Variants in MITF observed in about 807,000 individuals in gnomAD.
MITF encodes the protein microphthalmia-associated transcription factor.
In MITF, 17 loss-of-function variants were observed where a neutral mutation model predicts 60.5. The observed-to-expected ratio is 0.28, with a 90% CI of 0.19 to 0.42. The LOEUF is 0.42. MITF is among the 10% of genes least tolerant of loss of function. The probability of loss-of-function intolerance (pLI) is 1.00; values close to 1 mark genes in which losing one functional copy is unlikely to be tolerated. For synonymous variants in MITF, 260 were observed against 248.5 expected (o/e 1.05, Z -0.43); for missense variants, 622 against 683.5 (o/e 0.91, Z 1.00).
chr3:69,756,721 C>T (rs1321222981), intron 1 of MITF, among the ~76,000 whole-genome samples: 3 of 152,170 alleles, frequency 2.0e-5, no homozygotes, highest in Admixed American at 6.5e-5. Flanking sequence ...CTGTCATCCA[C>T]AATGGTTGAA....
At chr3:69,834,657 C>T (rs746142544) in intron 1 of MITF, among the ~76,000 whole-genome samples, 3 of 152,008 alleles carry the variant, frequency 2.0e-5, no homozygotes, top group Middle Eastern at 3.2e-3. Context: ...ATCTCTTTGG[C>T]ATACTGATTT....
chr3:69,860,524 G>A (rs1396115047), intron 1 of MITF, among the ~76,000 whole-genome samples: 1 of 147,350 alleles, frequency 6.8e-6, no homozygotes, highest in East Asian at 2.0e-4. Flanking sequence ...CGTGAACCCG[G>A]AAGGCGGAGC....
At chr3:69,767,500 G>T (rs765695733) in intron 1 of MITF, among the ~76,000 whole-genome samples, 6 of 152,060 alleles carry the variant, frequency 3.9e-5, no homozygotes, top group Admixed American at 6.6e-5. Context: ...CAGGAGAGTT[G>T]CTGGAACCCG....
intron 1 of MITF, among the ~76,000 whole-genome samples, chr3:69,756,778 C>T (rs1302006287): frequency 1.3e-5 from 2 of 152,226 alleles, no homozygotes; most frequent in Admixed American, 6.5e-5. Context: ...TGTTTCTCCA[C>T]AGCCTCACCA....
At chr3:69,800,680 C>T (rs2062905309) in intron 1 of MITF, among the ~76,000 whole-genome samples, 1 of 152,050 alleles carries the variant, frequency 6.6e-6, no homozygotes, top group Admixed American at 6.5e-5. Flanking sequence ...CATTGTGTCT[C>T]TTTTATTCTT....
At chr3:69,788,936 T>C (rs1203270688) in intron 1 of MITF, among the ~76,000 whole-genome samples, 2 of 152,116 alleles carry the variant, frequency 1.3e-5, no homozygotes, top group Non-Finnish European at 2.9e-5. Context: ...AAAGTACAAA[T>C]ATTAACTCAA....
At chr3:69,841,658 C>T (rs1446638056) in intron 1 of MITF, among the ~76,000 whole-genome samples, 1 of 152,192 alleles carries the variant, frequency 6.6e-6, no homozygotes, top group African/African-American at 2.4e-5. Context: ...CAGCAGAAAG[C>T]ATGCACTATC....
intron 2 of MITF, among the ~76,000 whole-genome samples, chr3:69,879,850 C>T (rs886588598): frequency 2.6e-5 from 4 of 152,130 alleles, no homozygotes; most frequent in Admixed American, 6.5e-5. Context: ...GAGCTTTCTG[C>T]GCTTTGATAA....
In MITF at chr3:69,938,556, C is replaced by T. The variant is rs113310138; in HGVS notation, c.582+507C>T. 116,088 of 1,397,154 alleles carry T rather than the reference C, an allele frequency of 0.083. 5,635 individuals are homozygous for T. The highest frequency in any genetic ancestry group is 0.094 in the Non-Finnish European group (101,744 of 1,076,966). The allele number at this position is 1,397,154 out of a possible 1,614,324, so 86.5% of individuals were successfully genotyped here. ...AATCATATAGCACATGAGACTTTAA[C>T]GGAAACGCAAAGGTTTAATTGCTGG... On this transcript the variant is annotated intron_variant, in intron 3 of 9. Transcript: ENST00000352241.
chr3:69,780,283 G>A (rs1407211052), intron 1 of MITF, among the ~76,000 whole-genome samples: 1 of 152,108 alleles, frequency 6.6e-6, no homozygotes, highest in East Asian at 1.9e-4. Flanking sequence ...GTCCGGTGTG[G>A]CTGGTGTTTT....
intron 2 of MITF, among the ~76,000 whole-genome samples, chr3:69,880,727 A>C (rs9838445): frequency 0.025 from 3,751 of 152,090 alleles, 144 homozygotes; most frequent in African/African-American, 0.083. Context: ...TTGTTGTCTC[A>C]TGCCTGCAGG....
At chr3:69,774,123 A>T (rs761103973) in intron 1 of MITF, among the ~76,000 whole-genome samples, 1 of 152,204 alleles carries the variant, frequency 6.6e-6, no homozygotes, top group African/African-American at 2.4e-5. Context: ...GTATGTCTTC[A>T]TACCAATATC....
At chr3:69,909,430 C>T (rs568820546) in intron 2 of MITF, among the ~76,000 whole-genome samples, 15 of 152,096 alleles carry the variant, frequency 9.9e-5, no homozygotes, top group Admixed American at 5.9e-4. Context: ...GTTGCTGAAA[C>T]GATACCCAAA....
chr3:69,867,970 A>G (rs2064148587), intron 1 of MITF, among the ~76,000 whole-genome samples: 1 of 152,180 alleles, frequency 6.6e-6, no homozygotes, highest in Admixed American at 6.5e-5. Flanking sequence ...CTTTTAGGAG[A>G]GCACACACTG....
intron 1 of MITF, among the ~76,000 whole-genome samples, chr3:69,765,256 G>A (rs569245574): frequency 9.8e-5 from 15 of 152,302 alleles, no homozygotes; most frequent in African/African-American, 3.1e-4. Context: ...TTTTAGCGAA[G>A]ATTTGTTTGT....
At chr3:69,763,764 C>A in intron 1 of MITF, 1 of 1,363,426 alleles carries the variant, frequency 7.3e-7, no homozygotes, top group South Asian at 1.3e-5. Flanking sequence ...TCTCCTTTTG[C>A]TTCTGACCTA....
At chr3:69,805,861 A>G (rs567280287) in intron 1 of MITF, among the ~76,000 whole-genome samples, 16 of 152,044 alleles carry the variant, frequency 1.1e-4, no homozygotes, top group East Asian at 1.9e-4. Flanking sequence ...AGATCTTTCT[A>G]TGTTTTCCAG....
At chr3:69,899,584 G>C (rs915118037) in intron 2 of MITF, among the ~76,000 whole-genome samples, 1 of 152,100 alleles carries the variant, frequency 6.6e-6, no homozygotes, top group African/African-American at 2.4e-5. Context: ...CTCATCTCAG[G>C]GGGTTATCAT....
At position 69,966,330 on chromosome 3, in the gene MITF, G is replaced by A. The variant is rs2066689459; in HGVS notation, c.*1082G>A. On this transcript the variant is annotated 3_prime_UTR_variant, in exon 10 of 10. Transcript: ENST00000352241. The stretch of plus-strand genomic sequence containing the variant: ...AAAGAAAACTTTTATGCAAGGTCTT[G>A]CATTTAAAAGACAGCTTTGCGAATA... The A allele has an allele frequency of 4.3e-6, 1 of 232,820 alleles. No individual in the cohort carries two copies. Among genetic ancestry groups the A allele is most frequent in the Non-Finnish European group, 8.5e-6 (1 of 117,668 alleles). 14.4% of individuals were successfully genotyped at this position (232,820 alleles called of 1,614,324 possible).
Sources: gnomAD v4.1 joint callset for allele counts (sites outside exome capture counted in the v4.1 genomes callset) on GRCh38, gnomAD v4.1.1 for gene constraint, MANE v1.5 for transcripts, NCBI Gene and HGNC (gene_info 2026-07-23, HGNC 2026-07-21) for gene names.